The following RBL1 variants were observed in gnomAD, a reference collection of about 807,000 sequenced individuals.
RBL1 encodes retinoblastoma-like protein 1.
RBL1 carries 82 observed loss-of-function variants against 123.0 expected under a neutral mutation model. The observed-to-expected ratio is 0.67, with a 90% confidence interval of 0.56 to 0.80. The LOEUF (loss-of-function observed/expected upper bound fraction) is 0.80, where lower values mean the gene tolerates loss of function less well. Among genes scored for constraint, RBL1 ranks in the 30% least tolerant of loss-of-function variants. The probability of loss-of-function intolerance (pLI) is 0.00; values close to 1 mark genes in which losing one functional copy is unlikely to be tolerated. For missense variants in RBL1, 1,171 were observed against 1,299.6 expected, an observed-to-expected ratio of 0.90 and a Z score of 1.52; for synonymous variants, 405 against 441.3, an observed-to-expected ratio of 0.92 and a Z score of 1.03.
chr20:37,027,112 G>A (rs1263813251), intron 16 of RBL1, among the ~76,000 whole-genome samples: 1 of 151,984 alleles, frequency 6.6e-6, no homozygotes, highest in Non-Finnish European at 1.5e-5. Flanking sequence ...TTGGGAGGCT[G>A]AGGTGGGAGG....
intron 9 of RBL1, among the ~76,000 whole-genome samples, chr20:37,056,512 A>G (rs2065010317): frequency 6.6e-6 from 1 of 151,616 alleles, no homozygotes; most frequent in African/African-American, 2.4e-5. Flanking sequence ...GCACTACCAC[A>G]CCTGGCTAAT....
At chr20:37,023,777 ATTTTT>A (rs11371156) in intron 16 of RBL1, among the ~76,000 whole-genome samples, 2 of 125,512 alleles carry the variant, frequency 1.6e-5, no homozygotes, top group Admixed American at 9.2e-5. Context: ...TATTCAAACT[ATTTTT>A]TTTTTTTTTT....
Position 37,040,277 on chromosome 20 carries a change from G to A in RBL1, c.1779C>T (p.Phe593=), listed in dbSNP as rs1568848620. The A allele has an allele frequency of 6.2e-7, 1 of 1,613,568 alleles. No homozygotes were observed. The highest frequency in any genetic ancestry group is 1.7e-5 in the Admixed American group (1 of 59,888). Residue 593 remains phenylalanine, a synonymous_variant, in exon 14 of 22, where the codon TTC becomes TTT. Transcript: ENST00000373664. ...CATTTCCTGTTTCAAAGTTATTTGG[G>A]AATATAACCTGTAGAAAACAAAAAC... ...NKVPTCEEVI[F]PNNFETGNGG...
chr20:37,046,769 T>C lies in RBL1; in HGVS notation c.1605+284A>G, dbSNP rs1476158290. Among the ~76,000 whole-genome samples the C allele has an allele frequency of 3.9e-5, 6 of 152,014 alleles. No individual in the cohort carries two copies. The East Asian group carries it at 9.7e-4, about 25-fold the overall frequency. On this transcript the variant is annotated intron_variant, in intron 12 of 21. Coordinates refer to ENST00000373664, the MANE Select transcript of RBL1 (RefSeq NM_002895.5). ...GATTACAGGTGCTCGCCACAATGCC[T>C]GGCTAATTTTTTTTGGTATTTTTAG...
intron 9 of RBL1, among the ~76,000 whole-genome samples, chr20:37,057,035 ACC>A (rs2065023248): frequency 5.3e-5 from 8 of 151,340 alleles, no homozygotes; most frequent in Non-Finnish European, 4.4e-5. Flanking sequence ...CTACCTACCT[ACC>A]TACCTACCTA....
In RBL1 at chr20:37,032,671, G is replaced by A. The variant is rs192531382; in HGVS notation, c.2376C>T (p.Tyr792=). The change falls in exon 16 of 22, where the codon TAC becomes TAT. Residue 792 remains tyrosine (Y), a synonymous_variant. Coordinates refer to ENST00000373664, the MANE Select transcript of RBL1 (RefSeq NM_002895.5). ...PKRTGSLALF[Y]RKVYHLASVR... ...GTGCTATAAAAACACATACCTTTCTGTAAAATAGTGCTAAGGACCCAGTTC... is the reference window on the plus strand; with the variant it reads ...GTGCTATAAAAACACATACCTTTCTATAAAATAGTGCTAAGGACCCAGTTC... 4.3e-6 allele frequency: 7 copies of A among 1,613,796 alleles called. No individual in the cohort carries two copies. The highest frequency in any genetic ancestry group is 2.7e-5 in the African/African-American group (2 of 74,984).
In RBL1 at chr20:36,998,616, T is replaced by C; in HGVS notation, c.*143A>G. On this transcript the variant is annotated 3_prime_UTR_variant, in exon 22 of 22. Coordinates refer to ENST00000373664, the MANE Select transcript of RBL1 (RefSeq NM_002895.5). ...TCAACTACATTTTGGATAAATATTT[T>C]AAAAAGCACATAATTTTTGTGCAAT... The C allele has an allele frequency of 1.4e-6, 1 of 697,376 alleles. No homozygotes were observed. The highest frequency in any genetic ancestry group is 2.3e-5 in the South Asian group (1 of 44,154). 43.2% of individuals were successfully genotyped at this position (697,376 alleles called of 1,614,324 possible). A position where few individuals can be genotyped will look rare whatever the true frequency, so the allele number is the denominator to read the frequency against.
intron 9 of RBL1, among the ~76,000 whole-genome samples, chr20:37,058,088 C>G (rs2065037012): frequency 6.9e-6 from 1 of 145,160 alleles, no homozygotes; most frequent in Non-Finnish European, 1.5e-5. Context: ...TGTACTCCAG[C>G]CTGGGCAACA....
In RBL1 at chr20:37,047,571, AC is replaced by A. The variant is rs1294719299; in HGVS notation, c.1468-382del. Among the ~76,000 whole-genome samples the A allele has an allele frequency of 6.6e-5, 10 of 152,348 alleles. No homozygotes were observed. In the South Asian group the frequency reaches 1.2e-3, roughly 19 times the overall value. On this transcript the variant is annotated intron_variant, in intron 11 of 21. Transcript: ENST00000373664. ...GGTAATATGTCACAGTTTAGACAAA[AC>A]TGTTCAGAAAAAGAAATACTTCACT... is the stretch of plus-strand genomic sequence containing the variant.
At chr20:37,068,330 A>C in intron 2 of RBL1, 144 bp from the exon 3 acceptor site, 1 of 1,224,392 alleles carries the variant, frequency 8.2e-7, no homozygotes, top group East Asian at 2.7e-5. Context: ...CATCTCTACA[A>C]AAATTTAAAA....
chr20:37,068,001 C>T lies in RBL1; in HGVS notation c.476G>A (p.Arg159Gln), dbSNP rs372625804. 9 of 1,613,480 alleles carry T rather than the reference C, an allele frequency of 5.6e-6. No individual in the cohort carries two copies. The highest frequency in any genetic ancestry group is 2.2e-5 in the East Asian group (1 of 44,830). ...AAGGGCTCACCTCTGCTTCCGGCTT[C>T]GTGGTAACTTTGGTGGTTCTTCATA... is the stretch of plus-strand genomic sequence containing the variant. Reference protein sequence around the residue: ...NPYEEPPKLPRSRKQRRIPCS... With the variant: ...NPYEEPPKLPQSRKQRRIPCS... Residue 159 changes from arginine (R) to glutamine (Q), a missense_variant, in exon 3 of 22, where the codon CGA becomes CAA. By Grantham distance (43) the Arg-to-Gln change is conservative. Coordinates refer to ENST00000373664, the MANE Select transcript of RBL1 (RefSeq NM_002895.5).
At chr20:37,081,956 T>G in intron 2 of RBL1, 2 of 455,790 alleles carry the variant, frequency 4.4e-6, no homozygotes, top group Non-Finnish European at 8.8e-6. Context: ...TATCAGTAAA[T>G]GGAGGCTCGC....
At chr20:37,042,042 C>T (rs2064736365) in intron 13 of RBL1, among the ~76,000 whole-genome samples, 1 of 136,932 alleles carries the variant, frequency 7.3e-6, no homozygotes, top group Non-Finnish European at 1.5e-5. Flanking sequence ...CACCGCACTC[C>T]AGCCTGGGCA....
rs1353668832 is a variant in RBL1, at chr20:37,022,788, A to C, written c.2421T>G (p.Cys807Trp). 1 of 1,613,472 alleles carries C rather than the reference A, an allele frequency of 6.2e-7. No individual in the cohort carries two copies. Among genetic ancestry groups the C allele is most frequent in the Middle Eastern group, 1.7e-4 (1 of 5,874 alleles). ...HLASVRLRDLCLKLDVSNELR... is the reference protein window; with the variant it reads ...HLASVRLRDLWLKLDVSNELR... ...ACTCATTTGAAACATCCAGTTTTAG[A>C]CATAGATCACGTAAGCGTACACTTG... The change falls in exon 17 of 22, where the codon TGT becomes TGG. Residue 807 changes from cysteine (C) to tryptophan (W), a missense_variant. Coordinates refer to ENST00000373664, the MANE Select transcript of RBL1 (RefSeq NM_002895.5).
At chr20:37,033,706 G>A (rs1025506523) in intron 15 of RBL1, among the ~76,000 whole-genome samples, 5 of 150,592 alleles carry the variant, frequency 3.3e-5, no homozygotes, top group South Asian at 2.1e-4. Context: ...CTGCCTCCCA[G>A]GTTCAAGCAA....
intron 19 of RBL1, among the ~76,000 whole-genome samples, chr20:37,016,859 G>A (rs867611482): frequency 6.7e-6 from 1 of 148,984 alleles, no homozygotes. Context: ...ATGCCTGCCT[G>A]GGTAACAGAG....
chr20:37,085,715 G>A (rs1176049325), intron 2 of RBL1, among the ~76,000 whole-genome samples: 1 of 141,496 alleles, frequency 7.1e-6, no homozygotes, highest in Non-Finnish European at 1.5e-5. Context: ...GTGCAATGGC[G>A]CAATCTCGGC....
chr20:37,095,951 G>T lies in RBL1; in HGVS notation c.-23C>A. 1 of 1,493,222 alleles carries T rather than the reference G, an allele frequency of 6.7e-7. No individual in the cohort carries two copies. The highest frequency in any genetic ancestry group is 9.0e-7 in the Non-Finnish European group (1 of 1,113,828). 92.5% of individuals were successfully genotyped at this position (1,493,222 alleles called of 1,614,324 possible). A position where few individuals can be genotyped will look rare whatever the true frequency, so the allele number is the denominator to read the frequency against. ...CATCCCTTCAGGCCCCGCGGGCTGCGCGCCACGGCCCCCGACTTCTTTCTC... is the reference window on the plus strand; with the variant it reads ...CATCCCTTCAGGCCCCGCGGGCTGCTCGCCACGGCCCCCGACTTCTTTCTC... On this transcript the variant is annotated 5_prime_UTR_variant, in exon 1 of 22. Coordinates refer to ENST00000373664, the MANE Select transcript of RBL1 (RefSeq NM_002895.5).
chr20:37,067,129 AGGG>A lies in RBL1; in HGVS notation c.557-11_557-9del. ...CAATCATCCGAAAATTACCTTTATA[AGGG>A]AAAAAAAAAAAAAAAAGACACAAAA... On this transcript the variant is annotated splice_polypyrimidine_tract_variant and intron_variant, in intron 4 of 21. Transcript: ENST00000373664. 1 of 1,565,542 alleles carries A rather than the reference AGGG, an allele frequency of 6.4e-7. No homozygotes were observed. Among genetic ancestry groups the A allele is most frequent in the Non-Finnish European group, 8.6e-7 (1 of 1,163,604 alleles).
Sources: gnomAD v4.1 joint callset for allele counts (sites outside exome capture counted in the v4.1 genomes callset) on GRCh38, gnomAD v4.1.1 for gene constraint, MANE v1.5 for transcripts, NCBI Gene and HGNC (gene_info 2026-07-23, HGNC 2026-07-21) for gene names.